IGF1R: variants seen among roughly 807,000 people sequenced by gnomAD.
IGF1R encodes insulin-like growth factor 1 receptor.
A neutral mutation model predicts 144.6 loss-of-function variants in IGF1R; 44 were observed. The ratio of observed to expected loss-of-function variants is 0.30; its 90% CI spans 0.24 to 0.39. The LOEUF is 0.39. Ranked by LOEUF, IGF1R falls within the 10% of genes least tolerant of loss-of-function variation. IGF1R has a pLI of 1.00. For synonymous variants in IGF1R, 795 were observed against 722.8 expected (o/e 1.10, Z -1.60); for missense variants, 1,355 against 1,833.7 (o/e 0.74, Z 4.77).
Position 98,916,794 on chromosome 15 carries a change from G to A in IGF1R, c.2119G>A (p.Ala707Thr), listed in dbSNP as rs760508195. The A allele has an allele frequency of 6.2e-7, 1 of 1,614,092 alleles. No homozygotes were observed. The highest frequency in any genetic ancestry group is 2.2e-5 in the East Asian group (1 of 44,868). Residue 707 changes from alanine (A) to threonine (T), a missense_variant, in exon 10 of 21, where the codon GCC (alanine) becomes ACC (threonine). Transcript: ENST00000650285. ...TTGCTGCGCCTGCCCCAAAACTGAA[G>A]CCGAGAAGCAGGCCGAGAAGGAGGA... ...GPCCACPKTE[A>T]EKQAEKEEAE...
chr15:98,744,544 T>A (rs571682310), intron 2 of IGF1R, among the ~76,000 whole-genome samples: 1 of 152,070 alleles, frequency 6.6e-6, no homozygotes, highest in East Asian at 2.0e-4. Context: ...AGGTGGAATG[T>A]GGATCTTGTT....
chr15:98,933,978 T>C (rs576405528), intron 15 of IGF1R, among the ~76,000 whole-genome samples: 14 of 152,360 alleles, frequency 9.2e-5, no homozygotes, highest in African/African-American at 2.9e-4. Flanking sequence ...AGTAGCCGTA[T>C]TTTTTAAAAG....
chr15:98,930,648 T>C (rs2015904295), intron 15 of IGF1R, among the ~76,000 whole-genome samples: 1 of 150,742 alleles, frequency 6.6e-6, no homozygotes, highest in South Asian at 2.1e-4. Flanking sequence ...AGTCAGAGGA[T>C]ATGCTGCAGC....
At chr15:98,807,647 A>T (rs180782442) in intron 2 of IGF1R, among the ~76,000 whole-genome samples, 19 of 152,224 alleles carry the variant, frequency 1.2e-4, no homozygotes, top group Admixed American at 1.0e-3. Flanking sequence ...ATAGTGAGGG[A>T]TTGTTGTGCT....
rs45453791 is a variant in IGF1R at position 98,957,403 on chromosome 15, C to T, written c.4065C>T (p.Asn1355=). The T allele has an allele frequency of 1.6e-4, 259 of 1,613,282 alleles. No individual in the cohort carries two copies. In the East Asian group the frequency reaches 3.5e-3, roughly 22 times the overall value. The change falls in exon 21 of 21, where the codon AAC becomes AAT. Residue 1355 remains asparagine (N), a synonymous_variant. Coordinates refer to ENST00000650285, the MANE Select transcript of IGF1R (RefSeq NM_000875.5). ...CCCACATGAACGGGGGCCGCAAGAACGAGCGGGCCTTGCCGCTGCCCCAGT... is the reference window on the plus strand; with the variant it reads ...CCCACATGAACGGGGGCCGCAAGAATGAGCGGGCCTTGCCGCTGCCCCAGT... ...PYAHMNGGRK[N]ERALPLPQSS...
chr15:98,894,994 C>T (rs1415045312), intron 3 of IGF1R, among the ~76,000 whole-genome samples: 1 of 148,130 alleles, frequency 6.8e-6, no homozygotes, highest in Admixed American at 6.9e-5. Flanking sequence ...GCACTGTAGC[C>T]TGGGCGACAG....
chr15:98,718,199 A>G (rs2054166964), intron 2 of IGF1R, among the ~76,000 whole-genome samples: 1 of 152,152 alleles, frequency 6.6e-6, no homozygotes, highest in African/African-American at 2.4e-5. Flanking sequence ...CTCATTATTG[A>G]ACAGAAGTCG....
Position 98,768,208 on chromosome 15 carries a change from G to T in IGF1R, c.640+60101G>T, listed in dbSNP as rs189517071. On this transcript the variant is annotated intron_variant, in intron 2 of 20. Coordinates refer to ENST00000650285, the MANE Select transcript of IGF1R (RefSeq NM_000875.5). ...GTGTGTTCAGGAAATTGGGCACCGA[G>T]ATTTTTTTTGTATCTTTGATTTTAG... Among the ~76,000 whole-genome samples the T allele has an allele frequency of 5.0e-3, 769 of 152,332 alleles. 10 individuals are homozygous for T. The highest frequency in any genetic ancestry group is 0.018 in the African/African-American group (748 of 41,576).
intron 2 of IGF1R, among the ~76,000 whole-genome samples, chr15:98,864,125 T>C (rs2012303525): frequency 6.6e-6 from 1 of 151,924 alleles, no homozygotes; most frequent in Non-Finnish European, 1.5e-5. Context: ...CATGGTAGCA[T>C]GCACCTGTGG....
chr15:98,910,969 C>T (rs1457441071), intron 6 of IGF1R, among the ~76,000 whole-genome samples: 1 of 152,200 alleles, frequency 6.6e-6, no homozygotes, highest in Admixed American at 6.5e-5. Context: ...CCTACCAGGC[C>T]CCCTTTCATA....
At chr15:98,714,889 C>T (rs888653267) in intron 2 of IGF1R, among the ~76,000 whole-genome samples, 2 of 152,110 alleles carry the variant, frequency 1.3e-5, no homozygotes, top group Non-Finnish European at 2.9e-5. Flanking sequence ...TGCTGCTGGT[C>T]TTCTGCAGGC....
chr15:98,831,011 C>T (rs2056992820), intron 2 of IGF1R, among the ~76,000 whole-genome samples: 2 of 152,084 alleles, frequency 1.3e-5, no homozygotes, highest in African/African-American at 2.4e-5. Context: ...CGCCAGATCT[C>T]CTGGTAGATA....
At chr15:98,928,333 G>C (rs2015805738) in intron 13 of IGF1R, among the ~76,000 whole-genome samples, 1 of 152,190 alleles carries the variant, frequency 6.6e-6, no homozygotes, top group South Asian at 2.1e-4. Flanking sequence ...TGCAGAGCAT[G>C]CCCTGGAGAC....
chr15:98,808,675 A>ATTTTTTTTTTTTTTT (rs35643938), intron 2 of IGF1R, among the ~76,000 whole-genome samples: 1 of 145,624 alleles, frequency 6.9e-6, no homozygotes, highest in Non-Finnish European at 1.5e-5. Flanking sequence ...TTCTTGAAAG[A>ATTTTTTTTTTTTTTT]TTTTTTTTTT....
intron 2 of IGF1R, among the ~76,000 whole-genome samples, chr15:98,750,116 A>C (rs376841367): frequency 1.3e-5 from 2 of 152,190 alleles, no homozygotes; most frequent in Non-Finnish European, 2.9e-5. Flanking sequence ...GTCATTCTCA[A>C]CCTCTTACCT....
At chr15:98,844,256 G>A (rs561675300) in intron 2 of IGF1R, among the ~76,000 whole-genome samples, 22 of 152,138 alleles carry the variant, frequency 1.4e-4, no homozygotes, top group African/African-American at 5.3e-4. Flanking sequence ...GAAAGAACAG[G>A]ATACCAAGTC....
At chr15:98,795,293 ATT>A (rs2056213573) in intron 2 of IGF1R, among the ~76,000 whole-genome samples, 1 of 152,162 alleles carries the variant, frequency 6.6e-6, no homozygotes, top group South Asian at 2.1e-4. Context: ...CTAGACTTAA[ATT>A]AAATTCATGT....
At chr15:98,692,803 C>T (rs913382025) in intron 1 of IGF1R, among the ~76,000 whole-genome samples, 3 of 152,086 alleles carry the variant, frequency 2.0e-5, no homozygotes, top group Admixed American at 1.3e-4. Context: ...CCACCTGATA[C>T]ATTGGTAAGA....
At position 98,908,940 on chromosome 15, in the gene IGF1R, T is replaced by C. The variant is rs35105328; in HGVS notation, c.1462+41T>C. 6,259 of 1,558,934 alleles carry C rather than the reference T, an allele frequency of 4.0e-3. 236 individuals are homozygous for C. The African/African-American group carries it at 0.075, about 19-fold the overall frequency. On this transcript the variant is annotated intron_variant, in intron 6 of 20. Coordinates refer to ENST00000650285, the MANE Select transcript of IGF1R (RefSeq NM_000875.5). ...CAAAACACCGTGGGCCCAACCATCA[T>C]GATAACAGCAGACCCTCCTCCCATG...
Sources: allele counts gnomAD v4.1 joint callset (sites outside exome capture counted in the v4.1 genomes callset), GRCh38; gene constraint gnomAD v4.1.1; transcripts MANE v1.5; gene names NCBI Gene and HGNC (gene_info 2026-07-23, HGNC 2026-07-21).